RNF115: variants seen among roughly 807,000 people sequenced by gnomAD.
RNF115 encodes the protein E3 ubiquitin-protein ligase RNF115.
RNF115 carries 31 observed loss-of-function variants against 39.2 expected under a neutral mutation model. The observed-to-expected ratio is 0.79, with a 90% CI of 0.59 to 1.07. The LOEUF (loss-of-function observed/expected upper bound fraction) is 1.07, where lower values mean the gene tolerates loss of function less well. Among genes scored for constraint, RNF115 ranks in the 50% least tolerant of loss-of-function variants. The pLI is 0.00. For synonymous variants in RNF115, 124 were observed against 131.0 expected (o/e 0.95, Z 0.37); for missense variants, 384 against 381.7 (o/e 1.01, Z -0.05).
At chr1:145,769,460 G>A (rs781886050) in intron 4 of RNF115, among the ~76,000 whole-genome samples, 7 of 151,956 alleles carry the variant, frequency 4.6e-5, no homozygotes, top group Non-Finnish European at 8.8e-5. Context: ...CTATAAAACC[G>A]ATACTGCACT....
chr1:145,816,016 CCTT>C (rs1376795659), intron 1 of RNF115, among the ~76,000 whole-genome samples: 2 of 133,664 alleles, frequency 1.5e-5, no homozygotes, highest in Non-Finnish European at 3.2e-5. Context: ...CATGATTTCT[CCTT>C]ATTTCTTAAT....
At chr1:145,786,842 T>C (rs1648403996) in intron 2 of RNF115, among the ~76,000 whole-genome samples, 1 of 152,212 alleles carries the variant, frequency 6.6e-6, no homozygotes, top group Non-Finnish European at 1.5e-5. Context: ...ATTGCTAATT[T>C]TGCAGTCATG....
intron 1 of RNF115, among the ~76,000 whole-genome samples, chr1:145,805,237 G>A (rs587600224): frequency 3.3e-5 from 5 of 152,140 alleles, no homozygotes; most frequent in African/African-American, 1.2e-4. Context: ...ACTCACAGCA[G>A]GAACATTCAA....
At chr1:145,751,163 G>A (rs1259201264) in intron 6 of RNF115, among the ~76,000 whole-genome samples, 1 of 152,158 alleles carries the variant, frequency 6.6e-6, no homozygotes, top group East Asian at 1.9e-4. Flanking sequence ...AACTGAGCAA[G>A]AGAGACAAAA....
chr1:145,778,668 TCCTTCCCTCCTGCC>T (rs1553716886), intron 3 of RNF115, among the ~76,000 whole-genome samples: 1 of 152,168 alleles, frequency 6.6e-6, no homozygotes, highest in African/African-American at 2.4e-5. Context: ...GCCTTTGTAA[TCCTTCCCTCCTGCC>T]CCTTCCCATC....
intron 3 of RNF115, among the ~76,000 whole-genome samples, chr1:145,775,411 T>C (rs1169006861): frequency 2.0e-5 from 3 of 151,018 alleles, no homozygotes; most frequent in Admixed American, 2.0e-4. Flanking sequence ...TTTTTTTTTT[T>C]TGAGACAAGG....
chr1:145,796,486 G>A (rs781804085), intron 1 of RNF115, among the ~76,000 whole-genome samples: 1 of 151,366 alleles, frequency 6.6e-6, no homozygotes, highest in Non-Finnish European at 1.5e-5. Context: ...GAGCGCAGTG[G>A]CATGATCTCA....
At chr1:145,751,960 C>T (rs1279083006) in intron 5 of RNF115, among the ~76,000 whole-genome samples, 1 of 152,184 alleles carries the variant, frequency 6.6e-6, no homozygotes, top group African/African-American at 2.4e-5. Context: ...AGTAGAGAAG[C>T]AGCCATAGCA....
At chr1:145,764,787 A>C (rs1319080971) in intron 4 of RNF115, among the ~76,000 whole-genome samples, 2 of 140,820 alleles carry the variant, frequency 1.4e-5, no homozygotes, top group African/African-American at 2.7e-5. Context: ...CAGCCGCCCC[A>C]TCCGGGAGGG....
chr1:145,815,671 A>T (rs1299474027), intron 1 of RNF115, among the ~76,000 whole-genome samples: 1 of 151,850 alleles, frequency 6.6e-6, no homozygotes, highest in Non-Finnish European at 1.5e-5. Flanking sequence ...TAGGTAAGGT[A>T]AGAGTTTCTG....
At chr1:145,790,494 A>G (rs1056346872) in intron 1 of RNF115, among the ~76,000 whole-genome samples, 16 of 149,984 alleles carry the variant, frequency 1.1e-4, no homozygotes, top group African/African-American at 3.9e-4. Context: ...GTGCAATGGC[A>G]CGGTCTTGGC....
At chr1:145,788,845 C>T in intron 2 of RNF115, 63 bp downstream of exon 2, 2 of 1,157,588 alleles carry the variant, frequency 1.7e-6, no homozygotes, top group Non-Finnish European at 2.6e-6. Flanking sequence ...TTACTCAGTC[C>T]ATGCTGAGAG....
intron 1 of RNF115, among the ~76,000 whole-genome samples, chr1:145,795,392 T>G (rs914077441): frequency 6.6e-5 from 10 of 152,232 alleles, no homozygotes; most frequent in African/African-American, 2.4e-4. Context: ...TACGGCCAGC[T>G]TTTATTCCCT....
chr1:145,791,468 C>T (rs4560988), intron 1 of RNF115, among the ~76,000 whole-genome samples: 1,499 of 149,858 alleles, frequency 0.01, 22 homozygotes, highest in African/African-American at 0.034. Context: ...GCCAAGATCA[C>T]GCCATTGCAC....
At chr1:145,761,209 G>T (rs587706516) in intron 4 of RNF115, among the ~76,000 whole-genome samples, 1 of 152,288 alleles carries the variant, frequency 6.6e-6, no homozygotes, top group Admixed American at 6.5e-5. Context: ...TGACAAAAAA[G>T]AAAAACCCAT....
At chr1:145,752,924 CA>C (rs782293719) in intron 5 of RNF115, 53 bp downstream of exon 5, 8 of 1,249,184 alleles carry the variant, frequency 6.4e-6, no homozygotes, top group Non-Finnish European at 9.4e-6. Context: ...GAAATGACAG[CA>C]CCTAAAATAT....
chr1:145,816,755 T>G (rs1271287291), intron 1 of RNF115, among the ~76,000 whole-genome samples: 2 of 147,964 alleles, frequency 1.4e-5, no homozygotes, highest in African/African-American at 4.9e-5. Flanking sequence ...TCTTTTCTTT[T>G]TTCTCTCCTC....
intron 4 of RNF115, among the ~76,000 whole-genome samples, chr1:145,759,648 T>A (rs1658426780): frequency 6.6e-6 from 1 of 152,212 alleles, no homozygotes; most frequent in Non-Finnish European, 1.5e-5. Context: ...CTCGCACACC[T>A]CGCAGCCCCC....
In RNF115 at chr1:145,768,533, C is replaced by T. The variant is rs145010570; in HGVS notation, c.428+3178G>A. 6.7e-3 allele frequency among the ~76,000 whole-genome samples: 1,026 copies of T among 152,334 alleles called. 5 individuals are homozygous for T. The highest frequency in any genetic ancestry group is 0.037 in the Middle Eastern group (11 of 294). ...ATTTCATCATGTTGGCCAGGCTGAT[C>T]TGGAACTCCTGACCTCAAGTGATCC... On this transcript the variant is annotated intron_variant, in intron 4 of 8. Coordinates refer to ENST00000582693, the MANE Select transcript of RNF115 (RefSeq NM_014455.4).
Sources: gnomAD v4.1 joint callset for allele counts (sites outside exome capture counted in the v4.1 genomes callset) on GRCh38, gnomAD v4.1.1 for gene constraint, MANE v1.5 for transcripts, NCBI Gene and HGNC (gene_info 2026-07-23, HGNC 2026-07-21) for gene names.